SORCS1: variants seen among roughly 807,000 people sequenced by gnomAD.
The protein encoded by SORCS1 is sortilin related VPS10 domain containing receptor 1, also known as VPS10 domain-containing receptor SorCS1.
SORCS1 carries 60 observed loss-of-function variants against 146.1 expected under a neutral mutation model. That is an observed-to-expected ratio of 0.41 (90% CI 0.33 to 0.51). The LOEUF (loss-of-function observed/expected upper bound fraction) is 0.51. SORCS1 is among the 20% of genes least tolerant of loss of function. SORCS1 has a pLI of 0.21. For synonymous variants in SORCS1, 637 were observed against 584.0 expected (o/e 1.09, Z -1.31); for missense variants, 1,352 against 1,487.6 (o/e 0.91, Z 1.50).
chr10:106,658,782 C>T (rs921880411), intron 17 of SORCS1, among the ~76,000 whole-genome samples: 13 of 152,154 alleles, frequency 8.5e-5, no homozygotes, highest in African/African-American at 2.2e-4. Context: ...AGATACAGGG[C>T]TACGATGGCA....
chr10:106,681,370 C>A (rs1852422014), intron 10 of SORCS1, among the ~76,000 whole-genome samples: 1 of 152,180 alleles, frequency 6.6e-6, no homozygotes. Flanking sequence ...ATTTCAGGTA[C>A]ATACAATTAT....
intron 1 of SORCS1, among the ~76,000 whole-genome samples, chr10:107,016,480 G>A (rs1012112936): frequency 1.3e-5 from 2 of 152,038 alleles, no homozygotes; most frequent in African/African-American, 4.8e-5. Context: ...ACTCCAGCCT[G>A]TGCAACAGAA....
intron 2 of SORCS1, among the ~76,000 whole-genome samples, chr10:106,848,043 GA>G (rs1204588821): frequency 2.2e-4 from 28 of 125,748 alleles, no homozygotes; most frequent in Non-Finnish European, 4.4e-4. Flanking sequence ...GTGTGGTGCT[GA>G]AAAAAATGTA....
Position 106,858,556 on chromosome 10 carries a change from C to T in SORCS1, c.627-28883G>A, listed in dbSNP as rs538094859. Among the ~76,000 whole-genome samples the T allele has an allele frequency of 3.3e-3, 456 of 136,686 alleles. 1 individual carries two copies. The highest frequency in any genetic ancestry group is 0.012 in the African/African-American group (418 of 36,108). The allele number at this position is 136,686 out of a possible 152,430, so 89.7% of individuals were successfully genotyped here. A position where few individuals can be genotyped will look rare whatever the true frequency, so the allele number is the denominator to read the frequency against. On this transcript the variant is annotated intron_variant, in intron 2 of 25. Coordinates refer to ENST00000263054, the MANE Select transcript of SORCS1 (RefSeq NM_052918.5). ...CCAGGAGGCGGAGCTGGCAATGAGC[C>T]GAGATTGCACCACTGCACTCCAGCC...
intron 24 of SORCS1, among the ~76,000 whole-genome samples, chr10:106,586,775 G>C (rs1174351422): frequency 6.6e-6 from 1 of 152,146 alleles, no homozygotes; most frequent in African/African-American, 2.4e-5. Context: ...GGGCAACATA[G>C]CAACACCCTG....
intron 18 of SORCS1, among the ~76,000 whole-genome samples, chr10:106,636,289 A>G (rs1848718455): frequency 1.3e-5 from 2 of 152,104 alleles, no homozygotes; most frequent in South Asian, 4.1e-4. Flanking sequence ...GAAAAGGAAA[A>G]CAATTGCTCT....
At chr10:106,936,715 C>T (rs1953740555) in intron 2 of SORCS1, among the ~76,000 whole-genome samples, 1 of 152,040 alleles carries the variant, frequency 6.6e-6, no homozygotes, top group Admixed American at 6.6e-5. Flanking sequence ...GGCATAAAGC[C>T]CTGAGAAAAG....
chr10:106,861,196 G>A (rs967002083), intron 2 of SORCS1, among the ~76,000 whole-genome samples: 1 of 151,992 alleles, frequency 6.6e-6, no homozygotes, highest in Non-Finnish European at 1.5e-5. Context: ...TCAGGAGTTC[G>A]CAACCAGCCT....
rs1262902744 is a variant in SORCS1 at position 106,573,766 on chromosome 10, A to C, written c.*3654T>G. ...ACATTCTGCCTTGTTAGTAAAAAAC[A>C]GCCAAAAACCTCAAGCCTGTGGTGT... On this transcript the variant is annotated 3_prime_UTR_variant, in exon 26 of 26. Transcript: ENST00000263054. 1 of 152,350 alleles carries C rather than the reference A, an allele frequency of 6.6e-6. No homozygotes were observed. The allele number at this position is 152,350 out of a possible 1,614,324, so 9.4% of individuals were successfully genotyped here. A position where few individuals can be genotyped will look rare whatever the true frequency, so the allele number is the denominator to read the frequency against.
chr10:107,032,196 CAT>C (rs1307080554), intron 1 of SORCS1, among the ~76,000 whole-genome samples: 8 of 152,160 alleles, frequency 5.3e-5, no homozygotes, highest in Non-Finnish European at 1.0e-4. Flanking sequence ...CGTAGACACA[CAT>C]GTCCATTAGT....
chr10:106,866,732 C>A (rs937733347), intron 2 of SORCS1, among the ~76,000 whole-genome samples: 1 of 152,206 alleles, frequency 6.6e-6, no homozygotes, highest in Non-Finnish European at 1.5e-5. Flanking sequence ...TACCTCAAAG[C>A]CTCAGCACCA....
intron 1 of SORCS1, among the ~76,000 whole-genome samples, chr10:107,038,403 G>GC (rs1002307643): frequency 2.9e-5 from 4 of 140,344 alleles, no homozygotes; most frequent in Non-Finnish European, 4.7e-5. Context: ...GGGTGGGTGG[G>GC]GGGGGAGAGA....
At chr10:107,100,455 A>C (rs1964841458) in intron 1 of SORCS1, among the ~76,000 whole-genome samples, 1 of 152,064 alleles carries the variant, frequency 6.6e-6, no homozygotes, top group Non-Finnish European at 1.5e-5. Flanking sequence ...CAGAGCTTGC[A>C]GTGAGCCAAG....
Position 107,023,837 on chromosome 10 carries a change from A to T in SORCS1, c.559-67257T>A, listed in dbSNP as rs542785369. ...GTGTGGTCAGAGGATCAGCCACATCAATGTCACCTGGAAGGTCTTAGTTTA... is the reference window on the plus strand; with the variant it reads ...GTGTGGTCAGAGGATCAGCCACATCTATGTCACCTGGAAGGTCTTAGTTTA... On this transcript the variant is annotated intron_variant, in intron 1 of 25. Transcript: ENST00000263054. 2.0e-5 allele frequency among the ~76,000 whole-genome samples: 3 copies of T among 152,322 alleles called. No homozygotes were observed. The East Asian group carries it at 5.8e-4, about 29-fold the overall frequency.
At chr10:107,072,562 C>T (rs183114017) in intron 1 of SORCS1, among the ~76,000 whole-genome samples, 11 of 151,954 alleles carry the variant, frequency 7.2e-5, no homozygotes, top group Admixed American at 7.2e-4. Flanking sequence ...TGTATTTATA[C>T]ATATATCTTC....
chr10:107,164,256 G>A lies in SORCS1; in HGVS notation c.271C>T (p.Arg91Trp). ...ATGGATGCCCCAGTGCCCCGAGCCC[G>A]CTCCAGGGATAGCGCTCGGTCCCCG... Reference protein sequence around the residue: ...APGDRALSLERARGTGASMAV... With the variant: ...APGDRALSLEWARGTGASMAV... The change falls in exon 1 of 26, where the codon CGG (arginine) becomes TGG (tryptophan). Residue 91 changes from arginine to tryptophan, a missense_variant. Transcript: ENST00000263054. This position sits in a 1 kb window ranked among gnomAD's most constrained non-coding sequence, Gnocchi z 6.8. 2 of 1,605,320 alleles carry A rather than the reference G, an allele frequency of 1.2e-6. No individual in the cohort carries two copies. The highest frequency in any genetic ancestry group is 2.2e-5 in the East Asian group (1 of 44,784).
intron 2 of SORCS1, among the ~76,000 whole-genome samples, chr10:106,949,603 A>G (rs1182576332): frequency 1.3e-5 from 2 of 152,214 alleles, no homozygotes; most frequent in Non-Finnish European, 2.9e-5. Flanking sequence ...CTCCTGAGAA[A>G]ATGGGACAGG....
chr10:106,609,667 G>A (rs781230662), intron 22 of SORCS1, among the ~76,000 whole-genome samples: 5 of 152,220 alleles, frequency 3.3e-5, no homozygotes, highest in Non-Finnish European at 7.3e-5. Flanking sequence ...ACCCTGCCCT[G>A]AGGGATAATG....
chr10:106,580,147 A>C (rs988830454), intron 24 of SORCS1, among the ~76,000 whole-genome samples: 1 of 152,164 alleles, frequency 6.6e-6, no homozygotes, highest in African/African-American at 2.4e-5. Flanking sequence ...GTGATGGAGC[A>C]TGCTTGTATT....
Sources: gnomAD v4.1 joint callset for allele counts (sites outside exome capture counted in the v4.1 genomes callset) on GRCh38, gnomAD v4.1.1 for gene constraint, Gnocchi (gnomAD v3.1) non-coding constraint, MANE v1.5 for transcripts, NCBI Gene and HGNC (gene_info 2026-07-23, HGNC 2026-07-21) for gene names.